The following NCKAP1 variants were observed in gnomAD, a reference collection of about 807,000 sequenced individuals.
NCKAP1 encodes NCK associated protein 1.
NCKAP1 carries 21 observed loss-of-function variants against 151.2 expected under a neutral mutation model. That is an observed-to-expected ratio of 0.14 (90% confidence interval 0.10 to 0.20). The LOEUF (loss-of-function observed/expected upper bound fraction) is 0.20, where lower values mean the gene tolerates loss of function less well. Ranked by LOEUF, NCKAP1 falls within the 10% of genes least tolerant of loss-of-function variation. NCKAP1 has a pLI of 1.00. For missense variants in NCKAP1, 933 were observed against 1,352.1 expected (o/e 0.69, Z 4.86); for synonymous variants, 484 against 451.8 (o/e 1.07, Z -0.90).
chr2:182,931,594 C>G (rs922217649), intron 26 of NCKAP1, among the ~76,000 whole-genome samples: 1 of 152,070 alleles, frequency 6.6e-6, no homozygotes, highest in African/African-American at 2.4e-5. Flanking sequence ...AGGCACAAAT[C>G]ATCATGACAC....
chr2:183,005,350 T>C (rs1698450147), intron 2 of NCKAP1, among the ~76,000 whole-genome samples: 1 of 152,174 alleles, frequency 6.6e-6, no homozygotes, highest in African/African-American at 2.4e-5. Flanking sequence ...GAACAATAAA[T>C]AATACGGTCA....
chr2:182,978,145 T>TTACTTAGATGTGGTAG (rs1697863322), intron 14 of NCKAP1, among the ~76,000 whole-genome samples: 1 of 152,200 alleles, frequency 6.6e-6, no homozygotes, highest in East Asian at 1.9e-4. Context: ...TTTAGTTTCA[T>TTACTTAGATGTGGTAG]TACTTAGATG....
chr2:182,946,310 G>A (rs988695431), intron 23 of NCKAP1, among the ~76,000 whole-genome samples: 1 of 152,064 alleles, frequency 6.6e-6, no homozygotes, highest in Admixed American at 6.6e-5. Context: ...TGAGCCAGGA[G>A]AATGGCGTGA....
At chr2:183,022,173 G>A (rs953962919) in intron 2 of NCKAP1, among the ~76,000 whole-genome samples, 1 of 152,046 alleles carries the variant, frequency 6.6e-6, no homozygotes, top group African/African-American at 2.4e-5. Context: ...ATTAAGGAAC[G>A]ATGCATATTC....
intron 1 of NCKAP1, among the ~76,000 whole-genome samples, chr2:183,025,648 T>A (rs1698880837): frequency 6.6e-6 from 1 of 152,156 alleles, no homozygotes; most frequent in Non-Finnish European, 1.5e-5. Context: ...TTAAAATATA[T>A]CCAACTTTCT....
chr2:182,975,918 A>G lies in NCKAP1; in HGVS notation c.1482+975T>C, dbSNP rs551790771. ...AGACCCTGCCTCTAAAACATAAATA[A>G]ATAAGTAAATATTTTTTTAAAAAGA... On this transcript the variant is annotated intron_variant, in intron 15 of 30. Transcript: ENST00000361354. Among the ~76,000 whole-genome samples, 199 of 152,300 alleles carry G rather than the reference A, an allele frequency of 1.3e-3. 1 individual carries two copies. The highest frequency in any genetic ancestry group is 2.3e-3 in the Non-Finnish European group (154 of 68,022).
At chr2:182,956,631 T>C (rs1316252076) in intron 19 of NCKAP1, 38 bp from the exon 20 acceptor site, 1 of 1,567,370 alleles carries the variant, frequency 6.4e-7, no homozygotes, top group Non-Finnish European at 8.6e-7. Flanking sequence ...TGTTCACATG[T>C]CATCACAGGC....
intron 24 of NCKAP1, among the ~76,000 whole-genome samples, chr2:182,940,312 G>C (rs1192729241): frequency 7.3e-6 from 1 of 136,086 alleles, no homozygotes; most frequent in Non-Finnish European, 1.7e-5. Flanking sequence ...AGAAAGATCA[G>C]GAGAGTTTTA....
At position 182,967,350 on chromosome 2, in the gene NCKAP1, A is replaced by G. The variant is rs199993292; in HGVS notation, c.1494T>C (p.Ser498=). The G allele has an allele frequency of 2.5e-6, 4 of 1,609,388 alleles. No individual in the cohort carries two copies. The highest frequency in any genetic ancestry group is 3.4e-6 in the Non-Finnish European group (4 of 1,178,286). The change falls in exon 16 of 31, where the codon AGT becomes AGC. Residue 498 remains serine (S), a synonymous_variant. Transcript: ENST00000361354. ...LDWFRLQAYT[S]VSKASLGLAD... is the part of the protein sequence containing the mutation. ...CAAGGCCAAGTGAAGCCTTTGAGAC[A>G]CTAGTATATGCCTATAAAGTACAAA...
chr2:182,962,414 C>T (rs1697474230), intron 17 of NCKAP1, 136 bp from the exon 18 acceptor site: 1 of 753,690 alleles, frequency 1.3e-6, no homozygotes, highest in Non-Finnish European at 2.0e-6. Flanking sequence ...TTAAAAATTG[C>T]TTTTGCCTCT....
intron 18 of NCKAP1, among the ~76,000 whole-genome samples, chr2:182,959,954 C>A (rs1246079193): frequency 6.6e-6 from 1 of 152,028 alleles, no homozygotes; most frequent in East Asian, 1.9e-4. Flanking sequence ...GACAGAGAGC[C>A]AAATCATGAG....
chr2:182,999,922 T>C (rs539228673), intron 6 of NCKAP1, among the ~76,000 whole-genome samples: 25 of 152,266 alleles, frequency 1.6e-4, no homozygotes, highest in African/African-American at 5.5e-4. Context: ...AAATACTGAT[T>C]GTACTCACTT....
intron 18 of NCKAP1, among the ~76,000 whole-genome samples, chr2:182,959,084 T>C (rs952272969): frequency 1.3e-5 from 2 of 152,228 alleles, no homozygotes; most frequent in Admixed American, 6.5e-5. Context: ...GTTTACATAG[T>C]ATCTCCATTG....
At chr2:182,975,288 G>T (rs1448038293) in intron 15 of NCKAP1, among the ~76,000 whole-genome samples, 1 of 152,082 alleles carries the variant, frequency 6.6e-6, no homozygotes, top group Non-Finnish European at 1.5e-5. Flanking sequence ...TGGGATGTTG[G>T]TATTTCAAGT....
rs1575003363 is a variant in NCKAP1 at position 182,909,831 on chromosome 2, T to G, written c.*15871A>C. 1 of 152,178 alleles carries G rather than the reference T, an allele frequency of 6.6e-6. No homozygotes were observed. The highest frequency in any genetic ancestry group is 2.1e-4 in the South Asian group (1 of 4,828). The allele number at this position is 152,178 out of a possible 1,614,324, so 9.4% of individuals were successfully genotyped here. The stretch of plus-strand genomic sequence containing the variant: ...AACCTGAGCTGAGCTTCTTGGGTAC[T>G]CCTAAGAAAAACACTTCCCTGGAAT... On this transcript the variant is annotated 3_prime_UTR_variant, in exon 31 of 31. Transcript: ENST00000361354.
chr2:182,934,502 G>GA lies in NCKAP1; in HGVS notation c.2859+249dup, dbSNP rs961506461. The GA allele has an allele frequency of 3.9e-3, 894 of 230,708 alleles. 1 individual carries two copies. Among genetic ancestry groups the GA allele is most frequent in the Middle Eastern group, 9.6e-3 (7 of 726 alleles). The allele number at this position is 230,708 out of a possible 1,614,324, so 14.3% of individuals were successfully genotyped here. On this transcript the variant is annotated intron_variant, in intron 26 of 30. Transcript: ENST00000361354. The stretch of plus-strand genomic sequence containing the variant: ...ATGTATAAACAGCTATCCATTTAAG[G>GA]AAAAAAAAAATCTATTTTTAGTCAA...
intron 10 of NCKAP1, among the ~76,000 whole-genome samples, chr2:182,984,423 G>GGTGTGTGTGTGTGTGT (rs4018678): frequency 4.9e-5 from 7 of 144,282 alleles, no homozygotes; most frequent in African/African-American, 7.5e-5. Flanking sequence ...TTTAGATTGG[G>GGTGTGTGTGTGTGTGT]GTGTGTGTGT....
intron 4 of NCKAP1, among the ~76,000 whole-genome samples, chr2:183,002,734 TAAATA>T (rs1256989948): frequency 6.6e-6 from 1 of 151,922 alleles, no homozygotes; most frequent in African/African-American, 2.4e-5. Flanking sequence ...TTGGGCCTAT[TAAATA>T]AAATACTAAA....
At chr2:182,946,739 CAAAAA>C (rs5836861) in intron 23 of NCKAP1, among the ~76,000 whole-genome samples, 4 of 132,506 alleles carry the variant, frequency 3.0e-5, no homozygotes, top group South Asian at 2.4e-4. Flanking sequence ...ATAAACCTAC[CAAAAA>C]AAAAAAAAAG....
Sources: allele counts gnomAD v4.1 joint callset (sites outside exome capture counted in the v4.1 genomes callset), GRCh38; gene constraint gnomAD v4.1.1; transcripts MANE v1.5; gene names NCBI Gene and HGNC (gene_info 2026-07-23, HGNC 2026-07-21).